The following NUMA1 variants were observed in gnomAD, a reference collection of about 807,000 sequenced individuals.
NUMA1 encodes the protein SP-H antigen.
In NUMA1, 62 loss-of-function variants were observed where a neutral mutation model predicts 237.1. That is an observed-to-expected ratio of 0.26 (90% confidence interval 0.21 to 0.32). The LOEUF is 0.32. NUMA1 is among the 10% of genes least tolerant of loss of function. The pLI, the probability that NUMA1 is intolerant of heterozygous loss-of-function variation, is 1.00. For synonymous variants in NUMA1, 1,028 were observed against 1,066.1 expected, an observed-to-expected ratio of 0.96 and a Z score of 0.70; for missense variants, 2,533 against 2,666.5, an observed-to-expected ratio of 0.95 and a Z score of 1.10.
At position 72,004,096 on chromosome 11, in the gene NUMA1, C is replaced by G; in HGVS notation, c.6127G>C (p.Asp2043His). 6.2e-7 allele frequency: 1 copy of G among 1,613,192 alleles called. No homozygotes were observed. ...KAAPASTKQA[D>H]RRQSMAFSIL... is the part of the protein sequence containing the mutation. ...CTGAAGGCCATCGACTGGCGCCGGTCAGCCTGCAAGGAAGGGCTGTCAGAC... is the reference window on the plus strand; with the variant it reads ...CTGAAGGCCATCGACTGGCGCCGGTGAGCCTGCAAGGAAGGGCTGTCAGAC... The change falls in exon 26 of 27, where the codon GAC (aspartate) becomes CAC (histidine). Residue 2043 changes from aspartate (D) to histidine (H), a missense_variant. By Grantham distance (81) the Asp-to-His change is moderately conservative. Around this residue, in one of 3 missense-constraint regions of NUMA1, gnomAD observed 795 missense variants for 750.8 expected, o/e 1.06. Transcript: ENST00000393695.
At chr11:72,006,391 T>A in intron 21 of NUMA1, 128 bp from the exon 22 acceptor site, 2 of 733,654 alleles carry the variant, frequency 2.7e-6, no homozygotes, top group Non-Finnish European at 4.4e-6. Flanking sequence ...CAAAGGTCCT[T>A]AAAGTGTGTG....
chr11:72,045,745 G>A lies in NUMA1; in HGVS notation c.-32-9770C>T, dbSNP rs185172608. ...TCTGCCTGCTTCAGCCTCCCAAAGT[G>A]CTAGGATTACAGGCATGAGCCATCA... On this transcript the variant is annotated intron_variant, in intron 2 of 26. Coordinates refer to ENST00000393695, the MANE Select transcript of NUMA1 (RefSeq NM_006185.4). Among the ~76,000 whole-genome samples, 25 of 152,274 alleles carry A rather than the reference G, an allele frequency of 1.6e-4. No homozygotes were observed. In the East Asian group the frequency reaches 3.7e-3, roughly 22 times the overall value.
At chr11:72,007,472 C>T (rs200238731) in intron 20 of NUMA1, 37 bp from the exon 21 acceptor site, 51 of 1,607,692 alleles carry the variant, frequency 3.2e-5, no homozygotes, top group Middle Eastern at 1.9e-4. Flanking sequence ...CAGTCCTTCA[C>T]GCTAGAAGGC....
chr11:72,049,583 A>ATATATATATATATATATATATATATT (rs71052844), intron 2 of NUMA1: 2 of 22,554 alleles, frequency 8.9e-5, no homozygotes, highest in Non-Finnish European at 3.4e-4. Flanking sequence ...ATATATATAT[A>ATATATATATATATATATATATATATT]GTGTGTGTGT....
chr11:72,079,123 G>T (rs1020816080), intron 1 of NUMA1, among the ~76,000 whole-genome samples: 9 of 152,144 alleles, frequency 5.9e-5, no homozygotes, highest in Admixed American at 2.6e-4. Flanking sequence ...TTCAGCCCAA[G>T]AAATTATTCC....
chr11:72,030,704 G>A (rs1940192933), intron 3 of NUMA1, among the ~76,000 whole-genome samples: 1 of 152,210 alleles, frequency 6.6e-6, no homozygotes, highest in Non-Finnish European at 1.5e-5. Context: ...AGGGGAGAGA[G>A]ACTGAGCCTG....
intron 7 of NUMA1, among the ~76,000 whole-genome samples, chr11:72,021,788 AT>A: frequency 6.6e-6 from 1 of 152,090 alleles, no homozygotes; most frequent in Non-Finnish European, 1.5e-5. Context: ...TAAAAAAAAT[AT>A]TTTTTGTTGA....
At position 72,003,912 on chromosome 11, in the gene NUMA1, C is replaced by A; in HGVS notation, c.6311G>T (p.Gly2104Val). Residue 2104 changes from glycine (G) to valine (V), a missense_variant, in exon 26 of 27, where the codon GGT becomes GTT. Coordinates refer to ENST00000393695, the MANE Select transcript of NUMA1 (RefSeq NM_006185.4). ...CTTGCCCTTGGCTCGAGGGGTGGCACCAATGGCGGCAGCAGTGGCGGCGCT... is the reference window on the plus strand; with the variant it reads ...CTTGCCCTTGGCTCGAGGGGTGGCAACAATGGCGGCAGCAGTGGCGGCGCT... ...TASAATAAAI[G>V]ATPRAKGKAK... is the part of the protein sequence containing the mutation. 3.7e-6 allele frequency: 6 copies of A among 1,613,508 alleles called. No homozygotes were observed. The highest frequency in any genetic ancestry group is 5.1e-6 in the Non-Finnish European group (6 of 1,179,832).
At chr11:72,041,219 TG>T in intron 2 of NUMA1, 1 of 135,276 alleles carries the variant, frequency 7.4e-6, no homozygotes, top group Non-Finnish European at 1.6e-5. Context: ...GGACTCTCAG[TG>T]GGGGTGGGGC....
chr11:72,014,182 G>T lies in NUMA1; in HGVS notation c.3321C>A (p.Ala1107=). The T allele has an allele frequency of 1.2e-6, 2 of 1,613,830 alleles. No homozygotes were observed. The highest frequency in any genetic ancestry group is 2.2e-5 in the East Asian group (1 of 44,884). ...CTGTCCTGCCAGCAGCCTCAGATTGGGCTCCTGAGCCAGATGCGTGCTCCT... is the reference window on the plus strand; with the variant it reads ...CTGTCCTGCCAGCAGCCTCAGATTGTGCTCCTGAGCCAGATGCGTGCTCCT... The part of the protein sequence containing the change: ...KEKEHASGSG[A]QSEAAGRTEP... The change falls in exon 15 of 27, where the codon GCC becomes GCA. Residue 1107 remains alanine, a synonymous_variant. Coordinates refer to ENST00000393695, the MANE Select transcript of NUMA1 (RefSeq NM_006185.4). The surrounding 1 kb of genome is among the most constrained non-coding windows in gnomAD (Gnocchi z 4.6).
At chr11:72,030,232 G>C (rs1320450919) in intron 3 of NUMA1, among the ~76,000 whole-genome samples, 1 of 151,896 alleles carries the variant, frequency 6.6e-6, no homozygotes, top group East Asian at 1.9e-4. Flanking sequence ...CTACTTAGAA[G>C]GCTGAGGTGG....
chr11:72,047,838 TG>T (rs1295967512), intron 2 of NUMA1: 2 of 152,186 alleles, frequency 1.3e-5, no homozygotes, highest in African/African-American at 4.8e-5. Context: ...TGGGCAGTTT[TG>T]TTTATTTTAC....
rs5743679 is a variant in NUMA1 at position 72,002,987 on chromosome 11, G to A, written c.*540C>T. ...AGTGCAAGTCTGGGGAAGGTAGGGT[G>A]TGAGCTGCTGCTGAAGGCTGTCCCC... On this transcript the variant is annotated 3_prime_UTR_variant, in exon 27 of 27. Coordinates refer to ENST00000393695, the MANE Select transcript of NUMA1 (RefSeq NM_006185.4). 3,117 of 234,954 alleles carry A rather than the reference G, an allele frequency of 0.013. 86 individuals carry two copies. Among genetic ancestry groups the A allele is most frequent in the African/African-American group, 0.06 (2,717 of 45,450 alleles). The allele number at this position is 234,954 out of a possible 1,614,324, so 14.6% of individuals were successfully genotyped here. A position where few individuals can be genotyped will look rare whatever the true frequency, so the allele number is the denominator to read the frequency against.
chr11:72,075,034 A>AAAAT (rs35313309), intron 1 of NUMA1, among the ~76,000 whole-genome samples: 36,659 of 148,132 alleles, frequency 0.25, 5,057 homozygotes, highest in East Asian at 0.39. Flanking sequence ...ACTCCATCTC[A>AAAAT]AAATAAATAA....
At chr11:72,072,780 C>T (rs959223767) in intron 1 of NUMA1, among the ~76,000 whole-genome samples, 8 of 152,138 alleles carry the variant, frequency 5.3e-5, no homozygotes, top group Non-Finnish European at 1.2e-4. Context: ...CCTGGCCAGG[C>T]ACGGTGGCTC....
intron 26 of NUMA1, 43 bp downstream of exon 26, chr11:72,003,844 G>A (rs777152882): frequency 6.3e-7 from 1 of 1,594,168 alleles, no homozygotes; most frequent in African/African-American, 1.3e-5. Context: ...GGGTGCCCAT[G>A]CTCTCATCGG....
At chr11:72,040,439 TACACATACACACACAC>T (rs1415536265) in intron 2 of NUMA1, among the ~76,000 whole-genome samples, 3 of 36,370 alleles carry the variant, frequency 8.2e-5, no homozygotes, top group Admixed American at 5.8e-4. Flanking sequence ...CTGGGGCGCG[TACACATACACACACAC>T]ACACACACAC....
chr11:72,002,923 G>C lies in NUMA1; in HGVS notation c.*604C>G, dbSNP rs190921526. ...TAACATTTAGAAAAGATCCATCCCC[G>C]GCCCTTAAAAACCTTCCCATCACTC... On this transcript the variant is annotated 3_prime_UTR_variant, in exon 27 of 27. Transcript: ENST00000393695. The C allele has an allele frequency of 8.6e-6, 2 of 231,846 alleles. No individual in the cohort carries two copies. Among genetic ancestry groups the C allele is most frequent in the Non-Finnish European group, 1.7e-5 (2 of 117,020 alleles). 14.4% of individuals were successfully genotyped at this position (231,846 alleles called of 1,614,324 possible).
intron 2 of NUMA1, among the ~76,000 whole-genome samples, chr11:72,038,161 C>A (rs576317182): frequency 3.3e-5 from 5 of 152,158 alleles, no homozygotes; most frequent in Admixed American, 3.3e-4. Context: ...CCCAACACTT[C>A]GAAATTTTAT....
Sources: allele counts gnomAD v4.1 joint callset (sites outside exome capture counted in the v4.1 genomes callset), GRCh38; gene constraint gnomAD v4.1.1; regional missense constraint gnomAD v4.1.1; non-coding constraint Gnocchi (gnomAD v3.1); transcripts MANE v1.5; gene names NCBI Gene and HGNC (gene_info 2026-07-23, HGNC 2026-07-21).